DNAH1: variants seen among roughly 807,000 people sequenced by gnomAD.
DNAH1 encodes the protein dynein axonemal heavy chain 1.
Under a neutral mutation model 484.3 loss-of-function variants are expected in DNAH1, and 327 were observed. That is an observed-to-expected ratio of 0.68 (90% CI 0.62 to 0.74). DNAH1 has a LOEUF of 0.74. Ranked by LOEUF, DNAH1 falls within the 30% of genes least tolerant of loss-of-function variation. The pLI, the probability that DNAH1 is intolerant of heterozygous loss-of-function variation, is 0.00. For missense variants in DNAH1, 5,052 were observed against 5,546.8 expected (o/e 0.91, Z 2.83); for synonymous variants, 2,192 against 2,191.9 (o/e 1.00, Z 0.00).
At chr3:52,324,279 T>G (rs956809075) in intron 3 of DNAH1, among the ~76,000 whole-genome samples, 1 of 152,112 alleles carries the variant, frequency 6.6e-6, no homozygotes, top group Non-Finnish European at 1.5e-5. Flanking sequence ...CTGGCTCAGA[T>G]AGATGCCTGG....
At position 52,392,754 on chromosome 3, in the gene DNAH1, TGCCTGCCCTAG is replaced by T. The variant is rs1045457373; in HGVS notation, c.10279-67_10279-57del. 16 of 811,822 alleles carry T rather than the reference TGCCTGCCCTAG, an allele frequency of 2.0e-5. No homozygotes were observed. The African/African-American group carries it at 6.3e-4, about 32-fold the overall frequency. 50.3% of individuals were successfully genotyped at this position (811,822 alleles called of 1,614,324 possible). ...CCCGGGCCTGCCCCCCACCTCTCCCTGCCTGCCCTAGGCCTGCCCCCCAAACCCCCTACCTT... is the reference window on the plus strand; with the variant it reads ...CCCGGGCCTGCCCCCCACCTCTCCCTGCCTGCCCCCCAAACCCCCTACCTT... On this transcript the variant is annotated intron_variant, in intron 64 of 77. Transcript: ENST00000420323.
rs1039173471 is a variant in DNAH1, at chr3:52,316,339, G to T, written c.-241G>T. 5 of 152,274 alleles carry T rather than the reference G, an allele frequency of 3.3e-5. No homozygotes were observed. The highest frequency in any genetic ancestry group is 1.2e-4 in the African/African-American group (5 of 41,432). 9.4% of individuals were successfully genotyped at this position (152,274 alleles called of 1,614,324 possible). A position where few individuals can be genotyped will look rare whatever the true frequency, so the allele number is the denominator to read the frequency against. On this transcript the variant is annotated 5_prime_UTR_variant, in exon 1 of 78. Coordinates refer to ENST00000420323, the MANE Select transcript of DNAH1 (RefSeq NM_015512.5). The stretch of plus-strand genomic sequence containing the variant: ...GCCAAGGGGGGTACCCAACCTATAC[G>T]CAGACCCATTGAGCAGCCAGACTGC...
chr3:52,335,181 G>C, intron 8 of DNAH1, among the ~76,000 whole-genome samples: 1 of 120,304 alleles, frequency 8.3e-6, no homozygotes, highest in Admixed American at 1.0e-4. Context: ...CTTCTCTCCC[G>C]AGTAGCTGGA....
chr3:52,380,645 T>G (rs527746691), intron 48 of DNAH1, among the ~76,000 whole-genome samples: 31 of 152,318 alleles, frequency 2.0e-4, no homozygotes, highest in African/African-American at 7.0e-4. Context: ...TGTCCCTGGG[T>G]CAGGCCTCGT....
At chr3:52,375,925 GA>G in intron 45 of DNAH1, 29 bp from the exon 46 acceptor site, 1 of 1,611,002 alleles carries the variant, frequency 6.2e-7, no homozygotes. Flanking sequence ...ACCTAACCCT[GA>G]GCCCCGTGTT....
chr3:52,372,701 G>T (rs1703397820), intron 43 of DNAH1, among the ~76,000 whole-genome samples, 195 bp from the exon 44 acceptor site: 1 of 152,272 alleles, frequency 6.6e-6, no homozygotes, highest in Non-Finnish European at 1.5e-5. Flanking sequence ...AGGGAGCTCA[G>T]ACTCAGGTCA....
At chr3:52,335,498 G>A (rs1228975446) in intron 8 of DNAH1, among the ~76,000 whole-genome samples, 4 of 149,862 alleles carry the variant, frequency 2.7e-5, no homozygotes, top group African/African-American at 7.4e-5. Flanking sequence ...TAGTAGAGAC[G>A]GGGTTTCACC....
In DNAH1 at chr3:52,380,027, G is replaced by A. The variant is rs1184181330; in HGVS notation, c.7500G>A (p.Trp2500Ter). Residue 2500 changes from tryptophan (W) to a stop codon, truncating the protein, a stop_gained, in exon 48 of 78, where the codon TGG becomes TGA. Transcript: ENST00000420323. LOFTEE classifies it high-confidence loss of function. Reference sequence around the variant, plus strand: ...TCCTCAAGCGCTGCATGGAGCAGTGGGAGGTGACCTTCAACAAGGTCTGCC... The same window carrying A: ...TCCTCAAGCGCTGCATGGAGCAGTGAGAGGTGACCTTCAACAAGGTCTGCC... ...DQLLKRCMEQ[W>*]EVTFNKVCPF... 6.3e-7 allele frequency: 1 copy of A among 1,598,286 alleles called. No individual in the cohort carries two copies. Among genetic ancestry groups the A allele is most frequent in the Non-Finnish European group, 8.5e-7 (1 of 1,172,514 alleles).
intron 8 of DNAH1, among the ~76,000 whole-genome samples, chr3:52,335,404 A>AT (rs34295466): frequency 0.053 from 3,921 of 73,566 alleles, 102 homozygotes; most frequent in African/African-American, 0.064. Flanking sequence ...GCAATGTGTG[A>AT]TTTTTTTTTT....
In DNAH1 at chr3:52,388,869, A is replaced by G. The variant is rs201358297; in HGVS notation, c.9427A>G (p.Met3143Val). The G allele has an allele frequency of 5.0e-6, 8 of 1,613,658 alleles. No homozygotes were observed. In the African/African-American group the frequency reaches 5.3e-5, roughly 11 times the overall value. ...WQETVENLQY[M>V]LNNISGDVLV... ...GGAGACGGTGGAGAACCTGCAGTAC[A>G]TGCTCAACAACATCTCCGGCGATGT... is the stretch of plus-strand genomic sequence containing the variant. Residue 3143 changes from methionine (M) to valine (V), a missense_variant, in exon 59 of 78, where the codon ATG becomes GTG. Met to Val is a conservative substitution (Grantham distance 21). Transcript: ENST00000420323.
rs199780515 is a variant in DNAH1, at chr3:52,373,026, G to A, written c.6958G>A (p.Gly2320Ser). ...IELLRQWMDHGGWYDRKIIGA... is the reference protein window; with the variant it reads ...IELLRQWMDHSGWYDRKIIGA... ...GCTGTTGCGCCAGTGGATGGACCAC[G>A]GCGGCTGGTACGACCGCAAGATCAT... is the stretch of plus-strand genomic sequence containing the variant. Residue 2320 changes from glycine to serine, a missense_variant, in exon 44 of 78, where the codon GGC becomes AGC. Transcript: ENST00000420323. 123 of 1,612,952 alleles carry A rather than the reference G, an allele frequency of 7.6e-5. No individual in the cohort carries two copies. In the East Asian group the frequency reaches 8.7e-4, roughly 11 times the overall value.
chr3:52,352,820 G>A, intron 18 of DNAH1, 113 bp downstream of exon 18: 1 of 1,434,786 alleles, frequency 7.0e-7, no homozygotes, highest in Non-Finnish European at 9.3e-7. Context: ...GACCCAGCAG[G>A]CTGCAGAGTG....
upstream of DNAH1, among the ~76,000 whole-genome samples, chr3:52,313,690 A>G (rs931475899): frequency 2.6e-5 from 4 of 152,110 alleles, no homozygotes; most frequent in Non-Finnish European, 4.4e-5. Flanking sequence ...GAGGGATTCC[A>G]TCTCTTTGGA....
In DNAH1 at chr3:52,393,024, A is replaced by G. The variant is rs1704465206; in HGVS notation, c.10473A>G (p.Ala3491=). 3 of 1,612,486 alleles carry G rather than the reference A, an allele frequency of 1.9e-6. No homozygotes were observed. The highest frequency in any genetic ancestry group is 2.5e-6 in the Non-Finnish European group (3 of 1,178,934). ...CGGGCATCGCCAACTCAGAGAGAGC[A>G]GGTAGCACCGGCATGCCAGGCTCCT... ...FLSGIANSER[A]DNLKKRISNI... is the part of the protein sequence containing the mutation. The change falls in exon 65 of 78, where the codon GCA becomes GCG. Residue 3491 remains alanine, a splice_region_variant and synonymous_variant. Coordinates refer to ENST00000420323, the MANE Select transcript of DNAH1 (RefSeq NM_015512.5).
Position 52,369,735 on chromosome 3 carries a change from A to G in DNAH1, c.5944-90A>G, listed in dbSNP as rs530371253. ...CCTGCCCACACCGCCCACTTACAGG[A>G]TGTGCAGCCCCTCCCCGCAGCCCTG... On this transcript the variant is annotated intron_variant, in intron 37 of 77. Transcript: ENST00000420323. 35 of 1,390,614 alleles carry G rather than the reference A, an allele frequency of 2.5e-5. No homozygotes were observed. The African/African-American group carries it at 4.6e-4, about 18-fold the overall frequency. 86.1% of individuals were successfully genotyped at this position (1,390,614 alleles called of 1,614,324 possible).
intron 73 of DNAH1, 43 bp downstream of exon 73, chr3:52,397,087 C>A: frequency 6.6e-7 from 1 of 1,515,662 alleles, no homozygotes; most frequent in Admixed American, 2.1e-5. Flanking sequence ...GCCTGCCAGC[C>A]TGGGGTTCTG....
intron 23 of DNAH1, 59 bp downstream of exon 23, chr3:52,357,794 C>T (rs937817272): frequency 1.8e-5 from 28 of 1,572,808 alleles, no homozygotes; most frequent in Non-Finnish European, 2.3e-5. Context: ...CTGAGGTGTC[C>T]AGGGCCCTGC....
upstream of DNAH1, among the ~76,000 whole-genome samples, chr3:52,313,980 G>T (rs1192152420): frequency 6.6e-6 from 1 of 152,218 alleles, no homozygotes; most frequent in Non-Finnish European, 1.5e-5. Context: ...CTTTCTAGGG[G>T]TGGATGAAAG....
chr3:52,340,374 G>A (rs76069558), intron 8 of DNAH1, among the ~76,000 whole-genome samples: 7 of 151,902 alleles, frequency 4.6e-5, no homozygotes, highest in East Asian at 1.9e-4. Flanking sequence ...TAGCCACTGC[G>A]CCCAGCCTGG....
Sources: gnomAD v4.1 joint callset for allele counts (sites outside exome capture counted in the v4.1 genomes callset) on GRCh38, gnomAD v4.1.1 for gene constraint, MANE v1.5 for transcripts, NCBI Gene and HGNC (gene_info 2026-07-23, HGNC 2026-07-21) for gene names.